The following FOXP1 variants were observed in gnomAD, a reference collection of about 807,000 sequenced individuals.
The protein encoded by FOXP1 is forkhead box P1.
Under a neutral mutation model 98.2 loss-of-function variants are expected in FOXP1, and 15 were observed. That is an observed-to-expected ratio of 0.15 (90% CI 0.10 to 0.24). The LOEUF (loss-of-function observed/expected upper bound fraction) is 0.24. FOXP1 is among the 10% of genes least tolerant of loss of function. FOXP1 has a pLI of 1.00. For synonymous variants in FOXP1, 371 were observed against 314.5 expected, an observed-to-expected ratio of 1.18 and a Z score of -1.90; for missense variants, 633 against 848.5, an observed-to-expected ratio of 0.75 and a Z score of 3.15.
intron 3 of FOXP1, among the ~76,000 whole-genome samples, chr3:71,412,136 T>C (rs1156717517): frequency 1.3e-5 from 2 of 150,824 alleles, no homozygotes; most frequent in Non-Finnish European, 2.9e-5. Flanking sequence ...TGGCAATCTA[T>C]TCAAAATCCT....
intron 19 of FOXP1, chr3:70,969,741 T>TGCAG (rs1406394996): frequency 6.6e-6 from 1 of 152,206 alleles, no homozygotes; most frequent in Non-Finnish European, 1.5e-5. Flanking sequence ...CACAAGACAT[T>TGCAG]GCAGTATCTC....
At chr3:71,117,789 T>C (rs937576394) in intron 6 of FOXP1, among the ~76,000 whole-genome samples, 2 of 152,204 alleles carry the variant, frequency 1.3e-5, no homozygotes, top group African/African-American at 4.8e-5. Context: ...TTATAACAGA[T>C]GTGACAATTG....
At chr3:71,576,478 T>C (rs2047727914) in intron 2 of FOXP1, among the ~76,000 whole-genome samples, 1 of 152,270 alleles carries the variant, frequency 6.6e-6, no homozygotes, top group South Asian at 2.1e-4. Context: ...CCTGTCAAGA[T>C]ATTTACAGGG....
chr3:71,526,249 A>G (rs2043373799), intron 2 of FOXP1, among the ~76,000 whole-genome samples: 1 of 152,226 alleles, frequency 6.6e-6, no homozygotes, highest in African/African-American at 2.4e-5. Context: ...TAAAAACTCC[A>G]GGGCCAGCCC....
chr3:71,276,955 C>CATTT (rs1217608544), intron 5 of FOXP1, among the ~76,000 whole-genome samples: 1 of 129,480 alleles, frequency 7.7e-6, no homozygotes. Context: ...AGTAGATCAA[C>CATTT]TTTTTTTTTT....
intron 7 of FOXP1, among the ~76,000 whole-genome samples, chr3:71,103,075 T>C (rs947146111): frequency 2.0e-5 from 3 of 152,214 alleles, no homozygotes. Context: ...AAAACCTGGC[T>C]TAAATTAACC....
chr3:70,991,566 A>G (rs2040605653), intron 13 of FOXP1, among the ~76,000 whole-genome samples: 1 of 152,194 alleles, frequency 6.6e-6, no homozygotes, highest in South Asian at 2.1e-4. Context: ...AGGACTAATC[A>G]TTTTAAGGCC....
At position 71,527,493 on chromosome 3, in the gene FOXP1, C is replaced by T. The variant is rs550628384; in HGVS notation, c.-297-33938G>A. Among the ~76,000 whole-genome samples, 30 of 152,262 alleles carry T rather than the reference C, an allele frequency of 2.0e-4. No homozygotes were observed. In the South Asian group the frequency reaches 2.5e-3, roughly 13 times the overall value. On this transcript the variant is annotated intron_variant, in intron 2 of 20. Transcript: ENST00000649528. ...CATCCAAGCTGGAGGTTTGATGAGA[C>T]GATCTCTCACCCAAAAAGCTCAGAT...
chr3:71,412,587 G>C (rs1560448776), intron 3 of FOXP1, among the ~76,000 whole-genome samples: 1 of 152,126 alleles, frequency 6.6e-6, no homozygotes, highest in East Asian at 1.9e-4. Flanking sequence ...TACCCAAGAG[G>C]GATGCACCAT....
chr3:71,002,550 C>A (rs76176411), intron 12 of FOXP1, among the ~76,000 whole-genome samples: 1,864 of 152,266 alleles, frequency 0.012, 31 homozygotes, highest in African/African-American at 0.043. Context: ...TTACAACTTG[C>A]TTTTAAAGAA....
At chr3:71,110,370 T>C (rs2057812349) in intron 7 of FOXP1, among the ~76,000 whole-genome samples, 1 of 152,210 alleles carries the variant, frequency 6.6e-6, no homozygotes, top group South Asian at 2.1e-4. Context: ...TTTTTTATTA[T>C]CTCTAACCAA....
intron 9 of FOXP1, among the ~76,000 whole-genome samples, chr3:71,051,360 C>T (rs1336742487): frequency 2.0e-5 from 3 of 152,178 alleles, no homozygotes; most frequent in Non-Finnish European, 4.4e-5. Flanking sequence ...TCCGGCTGCT[C>T]AACAGGACTC....
chr3:71,175,760 C>T (rs2061906112), intron 6 of FOXP1, among the ~76,000 whole-genome samples: 2 of 152,192 alleles, frequency 1.3e-5, no homozygotes, highest in South Asian at 2.1e-4. Context: ...CATAGTTTGA[C>T]TTGTAGGTTA....
intron 11 of FOXP1, among the ~76,000 whole-genome samples, chr3:71,036,229 G>C (rs983702254): frequency 1.3e-5 from 2 of 152,166 alleles, no homozygotes; most frequent in Non-Finnish European, 1.5e-5. Context: ...AAATGCAAGC[G>C]ACAGTAATAC....
intron 1 of FOXP1, chr3:71,582,935 G>A (rs1325002169): frequency 2.4e-6 from 1 of 422,778 alleles, no homozygotes; most frequent in Non-Finnish European, 3.2e-6. Context: ...GCTGGGGCCC[G>A]CGGGGCAGCT....
At chr3:70,998,258 G>C (rs1356003420) in intron 13 of FOXP1, among the ~76,000 whole-genome samples, 1 of 152,162 alleles carries the variant, frequency 6.6e-6, no homozygotes, top group Admixed American at 6.5e-5. Flanking sequence ...AGCAGCAATA[G>C]GTAATCAGTA....
intron 2 of FOXP1, among the ~76,000 whole-genome samples, chr3:71,551,968 T>C (rs745549025): frequency 2.0e-5 from 3 of 152,186 alleles, no homozygotes; most frequent in Non-Finnish European, 4.4e-5. Context: ...AGTGCCTTTA[T>C]TTTATCCTAA....
chr3:71,186,882 C>T (rs1377047617), intron 6 of FOXP1, among the ~76,000 whole-genome samples: 1 of 152,224 alleles, frequency 6.6e-6, no homozygotes, highest in Admixed American at 6.5e-5. Context: ...CAGAGATTGA[C>T]AAACTTTCTG....
At chr3:71,434,342 T>C (rs2085011063) in intron 3 of FOXP1, among the ~76,000 whole-genome samples, 1 of 151,688 alleles carries the variant, frequency 6.6e-6, no homozygotes, top group South Asian at 2.1e-4. Flanking sequence ...CCCACTCCAG[T>C]CCTGGGAGTC....
Sources: allele counts gnomAD v4.1 joint callset (sites outside exome capture counted in the v4.1 genomes callset), GRCh38; gene constraint gnomAD v4.1.1; transcripts MANE v1.5; gene names NCBI Gene and HGNC (gene_info 2026-07-23, HGNC 2026-07-21).